Variants in CABIN1 observed in about 807,000 individuals in gnomAD.
CABIN1 encodes calcineurin binding protein 1.
A neutral mutation model predicts 227.7 loss-of-function variants in CABIN1; 133 were observed. The observed-to-expected ratio is 0.58, with a 90% CI of 0.51 to 0.67. The LOEUF (loss-of-function observed/expected upper bound fraction) is 0.67, where lower values mean the gene tolerates loss of function less well. Ranked by LOEUF, CABIN1 falls within the 30% of genes least tolerant of loss-of-function variation. CABIN1 has a pLI of 0.00. For missense variants in CABIN1, 2,408 were observed against 2,852.5 expected, an observed-to-expected ratio of 0.84 and a Z score of 3.55; for synonymous variants, 1,086 against 1,155.1, an observed-to-expected ratio of 0.94 and a Z score of 1.21.
rs2037910293 is a variant in CABIN1, at chr22:24,046,688, T to A, written c.527-2403T>A. 3.9e-5 allele frequency among the ~76,000 whole-genome samples: 6 copies of A among 152,146 alleles called. No homozygotes were observed. In the South Asian group the frequency reaches 1.2e-3, roughly 32 times the overall value. On this transcript the variant is annotated intron_variant, in intron 6 of 36. Coordinates refer to ENST00000263119, the MANE Select transcript of CABIN1 (RefSeq NM_012295.4). Reference sequence around the variant, plus strand: ...TACATATATAGAAAGAGATTTATTGTAAGGAATTGGCTCATGTGGTATTGG... The same window carrying A: ...TACATATATAGAAAGAGATTTATTGAAAGGAATTGGCTCATGTGGTATTGG...
chr22:24,133,474 A>G (rs2044201512), intron 28 of CABIN1, among the ~76,000 whole-genome samples: 2 of 152,200 alleles, frequency 1.3e-5, no homozygotes, highest in African/African-American at 2.4e-5. Flanking sequence ...GCGCTGGGAA[A>G]GGCGAGCAAG....
At chr22:24,125,478 C>T (rs2043664693) in intron 28 of CABIN1, among the ~76,000 whole-genome samples, 1 of 152,206 alleles carries the variant, frequency 6.6e-6, no homozygotes, top group African/African-American at 2.4e-5. Context: ...GAAGTGGGCC[C>T]TGCACCATTA....
At chr22:24,055,947 T>C (rs138275274) in intron 9 of CABIN1, among the ~76,000 whole-genome samples, 104 of 152,298 alleles carry the variant, frequency 6.8e-4, no homozygotes, top group African/African-American at 2.4e-3. Flanking sequence ...GCTTTGTAGC[T>C]GTGGAAAGTA....
At chr22:24,122,266 C>G (rs2043460926) in intron 28 of CABIN1, among the ~76,000 whole-genome samples, 1 of 152,180 alleles carries the variant, frequency 6.6e-6, no homozygotes, top group African/African-American at 2.4e-5. Context: ...CTAAAACTAG[C>G]TCTCTTGGGT....
intron 17 of CABIN1, 122 bp downstream of exon 17, chr22:24,071,164 T>C: frequency 7.3e-7 from 1 of 1,371,946 alleles, no homozygotes; most frequent in Non-Finnish European, 1.0e-6. Context: ...CATGATGGCT[T>C]CTTTGGTTGG....
chr22:24,060,075 C>G lies in CABIN1; in HGVS notation c.1551C>G (p.Ser517Arg), dbSNP rs9624393. 6.2e-7 allele frequency: 1 copy of G among 1,614,108 alleles called. No individual in the cohort carries two copies. Among genetic ancestry groups the G allele is most frequent in the Admixed American group, 1.7e-5 (1 of 60,026 alleles). The change falls in exon 12 of 37, where the codon AGC becomes AGG. Residue 517 changes from serine to arginine, a missense_variant. This residue lies in a region of CABIN1 where 1,045 missense variants were observed against 1,168.4 expected (regional missense o/e 0.89). Transcript: ENST00000263119. ...AGGTCGTGCTCAGCGTCTACCACAGCTGGAGGAGGCACAGCACCAGCCTGC... is the reference window on the plus strand; with the variant it reads ...AGGTCGTGCTCAGCGTCTACCACAGGTGGAGGAGGCACAGCACCAGCCTGC... ...LAEVVLSVYHSWRRHSTSLPN... is the reference protein window; with the variant it reads ...LAEVVLSVYHRWRRHSTSLPN...
At chr22:24,043,567 C>CA (rs2037608691) in intron 6 of CABIN1, among the ~76,000 whole-genome samples, 3 of 152,032 alleles carry the variant, frequency 2.0e-5, no homozygotes, top group Admixed American at 1.3e-4. Context: ...GCCTGGGCAA[C>CA]ATGGTGAAAC....
In CABIN1 at chr22:24,063,290, G is replaced by C. The variant is rs1373401192; in HGVS notation, c.1884+144G>C. The stretch of plus-strand genomic sequence containing the variant: ...TGTGTACATGCATAGCACCTGCCCG[G>C]GCACTGGGCTTGGCATGAGAAAGTG... On this transcript the variant is annotated intron_variant, in intron 14 of 36. Transcript: ENST00000263119. 3.7e-5 allele frequency: 30 copies of C among 821,554 alleles called. No homozygotes were observed. The East Asian group carries it at 7.2e-4, about 20-fold the overall frequency. 50.9% of individuals were successfully genotyped at this position (821,554 alleles called of 1,614,324 possible).
In CABIN1 at chr22:24,164,570, G is replaced by T. The variant is rs370572664; in HGVS notation, c.4910+7G>T. The T allele has an allele frequency of 6.2e-7, 1 of 1,602,796 alleles. No individual in the cohort carries two copies. Among genetic ancestry groups the T allele is most frequent in the Non-Finnish European group, 8.5e-7 (1 of 1,179,872 alleles). On this transcript the variant is annotated splice_region_variant and intron_variant, in intron 30 of 36. Transcript: ENST00000263119. ...GGACCCCAGACCAGGGCAAGTGAGTGCAGCCACCCTGGACACAGCCTGGCA... is the reference window on the plus strand; with the variant it reads ...GGACCCCAGACCAGGGCAAGTGAGTTCAGCCACCCTGGACACAGCCTGGCA...
chr22:24,085,058 T>C lies in CABIN1; in HGVS notation c.3170T>C (p.Leu1057Pro). 6.2e-7 allele frequency: 1 copy of C among 1,614,208 alleles called. No homozygotes were observed. Among genetic ancestry groups the C allele is most frequent in the Non-Finnish European group, 8.5e-7 (1 of 1,180,032 alleles). ...ADPSPPVVNE[L>P]YYLLADYHFK... ...CCCTCCCCTCCAGTGGTGAACGAGC[T>C]TTACTACCTCCTGGCTGATTATCAT... Residue 1057 changes from leucine (L) to proline (P), a missense_variant, in exon 22 of 37, where the codon CTT (leucine) becomes CCT (proline). Leu to Pro is a moderately conservative substitution (Grantham distance 98, BLOSUM62 -3). Around this residue, in one of 3 missense-constraint regions of CABIN1, gnomAD observed 649 missense variants for 910.3 expected, o/e 0.71. Coordinates refer to ENST00000263119, the MANE Select transcript of CABIN1 (RefSeq NM_012295.4).
chr22:24,165,435 C>T, intron 30 of CABIN1, 95 bp from the exon 31 acceptor site: 3 of 1,154,548 alleles, frequency 2.6e-6, no homozygotes, highest in Non-Finnish European at 3.8e-6. Flanking sequence ...AAACAGGCAT[C>T]CTCAAGGCAG....
chr22:24,087,532 A>G lies in CABIN1; in HGVS notation c.3344A>G (p.Asp1115Gly), dbSNP rs747125563. ...CTGAACTCCAATGAGCTGAAGAGTG[A>G]TGGGCCCATTTGGAAGCATGCCACG... is the stretch of plus-strand genomic sequence containing the variant. ...DKLNSNELKS[D>G]GPIWKHATPV... The change falls in exon 23 of 37, where the codon GAT becomes GGT. Residue 1115 changes from aspartate to glycine, a missense_variant. Asp to Gly is a moderately conservative substitution (Grantham distance 94). Transcript: ENST00000263119. 14 of 1,614,092 alleles carry G rather than the reference A, an allele frequency of 8.7e-6. No individual in the cohort carries two copies. Among genetic ancestry groups the G allele is most frequent in the Non-Finnish European group, 8.5e-7 (1 of 1,180,038 alleles).
At chr22:24,136,524 ATT>A (rs145864566) in intron 29 of CABIN1, among the ~76,000 whole-genome samples, 3,845 of 69,804 alleles carry the variant, frequency 0.055, 188 homozygotes, top group African/African-American at 0.14. Context: ...TAATTTTTGT[ATT>A]TTTTTTTTTT....
intron 28 of CABIN1, among the ~76,000 whole-genome samples, chr22:24,123,254 C>T (rs543050099): frequency 2.0e-5 from 3 of 152,052 alleles, no homozygotes; most frequent in Admixed American, 6.5e-5. Flanking sequence ...CTTTTCTGTT[C>T]GTTGCATTCC....
intron 8 of CABIN1, 140 bp downstream of exon 8, chr22:24,051,114 A>G (rs936052356): frequency 5.6e-6 from 6 of 1,076,312 alleles, no homozygotes; most frequent in African/African-American, 3.1e-5. Context: ...ACAGTGGCCA[A>G]ATGGTTGGAG....
At chr22:24,050,611 A>G (rs1234246360) in intron 7 of CABIN1, among the ~76,000 whole-genome samples, 1 of 152,246 alleles carries the variant, frequency 6.6e-6, no homozygotes, top group Non-Finnish European at 1.5e-5. Context: ...TTGAATTGTC[A>G]AAGGAACAAA....
In CABIN1 at chr22:24,171,776, G is replaced by C. The variant is rs142219142; in HGVS notation, c.5821G>C (p.Val1941Leu). ...PKDSRENFFP[V>L]TVVPTAPDPV... Reference sequence around the variant, plus strand: ...AGACAGCCGAGAGAACTTCTTTCCTGTGACAGTGGTGCCCACAGCCCCTGA... The same window carrying C: ...AGACAGCCGAGAGAACTTCTTTCCTCTGACAGTGGTGCCCACAGCCCCTGA... The change falls in exon 34 of 37, where the codon GTG (valine) becomes CTG (leucine). Residue 1941 changes from valine to leucine, a missense_variant. By Grantham distance (32) the Val-to-Leu change is conservative (BLOSUM62 1). Coordinates refer to ENST00000263119, the MANE Select transcript of CABIN1 (RefSeq NM_012295.4). 1.2e-3 allele frequency: 1,956 copies of C among 1,614,146 alleles called. 24 individuals are homozygous for C. Among genetic ancestry groups the C allele is most frequent in the Non-Finnish European group, 1.2e-4 (146 of 1,180,018 alleles).
chr22:24,129,921 C>T (rs1391686081), intron 28 of CABIN1, among the ~76,000 whole-genome samples: 1 of 152,162 alleles, frequency 6.6e-6, no homozygotes, highest in Non-Finnish European at 1.5e-5. Context: ...TGACTCTTGC[C>T]CTGAGGCAGG....
chr22:24,120,975 G>A (rs886255151), intron 28 of CABIN1, among the ~76,000 whole-genome samples: 3 of 152,218 alleles, frequency 2.0e-5, no homozygotes, highest in African/African-American at 7.2e-5. Flanking sequence ...GTAGGGGACA[G>A]CATTGGTCTG....
Sources: gnomAD v4.1 joint callset for allele counts (sites outside exome capture counted in the v4.1 genomes callset) on GRCh38, gnomAD v4.1.1 for gene constraint, gnomAD v4.1.1 regional missense constraint, MANE v1.5 for transcripts, NCBI Gene and HGNC (gene_info 2026-07-23, HGNC 2026-07-21) for gene names.